The following AGBL3 variants were observed in gnomAD, a reference collection of about 807,000 sequenced individuals.
AGBL3 encodes the protein cytosolic carboxypeptidase 3.
A neutral mutation model predicts 94.5 loss-of-function variants in AGBL3; 68 were observed. The observed-to-expected ratio is 0.72, with a 90% CI of 0.59 to 0.88. The LOEUF (loss-of-function observed/expected upper bound fraction) is 0.88. Among genes scored for constraint, AGBL3 ranks in the 40% least tolerant of loss-of-function variants. The pLI, the probability that AGBL3 is intolerant of heterozygous loss-of-function variation, is 0.00. For synonymous variants in AGBL3, 354 were observed against 370.7 expected (o/e 0.95, Z 0.52); for missense variants, 934 against 1,103.8 (o/e 0.85, Z 2.18).
At chr7:135,018,133 G>A (rs1032226683) in intron 5 of AGBL3, among the ~76,000 whole-genome samples, 12 of 152,166 alleles carry the variant, frequency 7.9e-5, no homozygotes, top group African/African-American at 2.9e-4. Context: ...GGATGGTGAA[G>A]CAACATAGGA....
At chr7:135,134,656 G>C (rs1353641813) in intron 16 of AGBL3, among the ~76,000 whole-genome samples, 185 bp from the exon 17 acceptor site, 4 of 151,700 alleles carry the variant, frequency 2.6e-5, no homozygotes, top group Non-Finnish European at 4.4e-5. Flanking sequence ...TACAGGATTG[G>C]AATAGTGCTA....
At chr7:135,056,596 G>T (rs1221480676) in intron 11 of AGBL3, among the ~76,000 whole-genome samples, 6 of 151,594 alleles carry the variant, frequency 4.0e-5, no homozygotes, top group African/African-American at 1.5e-4. Flanking sequence ...CAATATACCA[G>T]CCACGAACAA....
intron 15 of AGBL3, among the ~76,000 whole-genome samples, chr7:135,106,686 T>C (rs1206673918): frequency 6.6e-6 from 1 of 152,210 alleles, no homozygotes; most frequent in Non-Finnish European, 1.5e-5. Flanking sequence ...TTTATTGTTG[T>C]GGCTCTGCCA....
At chr7:135,129,478 G>T in intron 16 of AGBL3, 1 of 774,024 alleles carries the variant, frequency 1.3e-6, no homozygotes, top group South Asian at 1.4e-5. Flanking sequence ...TTCAAGAACT[G>T]ACCATGTTGT....
intron 11 of AGBL3, 45 bp from the exon 12 acceptor site, chr7:135,059,124 G>A: frequency 7.2e-7 from 1 of 1,380,530 alleles, no homozygotes; most frequent in Non-Finnish European, 9.9e-7. Context: ...GAAATTTTAA[G>A]ATGCCACCAA....
rs756358397 is a variant in AGBL3 at position 135,034,791 on chromosome 7, AC to A, written c.1203del (p.Met402CysfsTer7). 1.3e-5 allele frequency: 20 copies of A among 1,552,356 alleles called. No homozygotes were observed. The South Asian group carries it at 2.3e-4, about 18-fold the overall frequency. On this transcript the variant is annotated frameshift_variant, in exon 7 of 17. Transcript: ENST00000436302. LOFTEE classifies it high-confidence loss of function. ...GGGACACTTTTGTCTTCAAGGTGGT[AC>A]CCATGCTCAATCCAGATGGTGTGAT... ...LRDTFVFKVV[P>X]MLNPDGVIVG...
chr7:134,996,285 A>G (rs1249194166), intron 4 of AGBL3, among the ~76,000 whole-genome samples: 1 of 152,170 alleles, frequency 6.6e-6, no homozygotes, highest in Admixed American at 6.5e-5. Flanking sequence ...CCTCAAGGCA[A>G]AAGTTCCCAT....
intron 16 of AGBL3, among the ~76,000 whole-genome samples, chr7:135,126,662 A>C (rs1219101519): frequency 6.6e-6 from 1 of 152,190 alleles, no homozygotes; most frequent in Non-Finnish European, 1.5e-5. Context: ...TACAGTAACC[A>C]AAACAGATAT....
chr7:135,109,177 T>C (rs1159504714), intron 15 of AGBL3, among the ~76,000 whole-genome samples: 1 of 152,262 alleles, frequency 6.6e-6, no homozygotes, highest in Non-Finnish European at 1.5e-5. Flanking sequence ...CTGAATTCTA[T>C]TTCTGTCATT....
In AGBL3 at chr7:135,034,082, T is replaced by C; in HGVS notation, c.558-67T>C. On this transcript the variant is annotated intron_variant, in intron 6 of 16. Transcript: ENST00000436302. ...CCTTATTTAACTCAAAATTTTACAT[T>C]GGTTTTTTACAAAATGTCATTTTTA... The C allele has an allele frequency of 3.1e-6, 4 of 1,289,986 alleles. No individual in the cohort carries two copies. In the South Asian group the frequency reaches 7.0e-5, roughly 23 times the overall value. The allele number at this position is 1,289,986 out of a possible 1,614,324, so 79.9% of individuals were successfully genotyped here.
chr7:135,129,101 G>A (rs2348282), intron 16 of AGBL3: 808,139 of 1,581,184 alleles, frequency 0.51, 210,746 homozygotes, highest in South Asian at 0.66. Context: ...CTACTGGTCA[G>A]GTCAAAGAGC....
At chr7:135,103,481 CTTT>C (rs1824169234) in intron 15 of AGBL3, among the ~76,000 whole-genome samples, 1 of 152,026 alleles carries the variant, frequency 6.6e-6, no homozygotes, top group Non-Finnish European at 1.5e-5. Context: ...AATATGCATG[CTTT>C]TTTCTTAGGA....
At chr7:135,121,810 A>G (rs1038677223) in intron 16 of AGBL3, among the ~76,000 whole-genome samples, 2 of 152,052 alleles carry the variant, frequency 1.3e-5, no homozygotes, top group African/African-American at 4.8e-5. Context: ...AGGGCAGGAG[A>G]GCACCCCCCT....
At chr7:135,061,905 A>G (rs1818869081) in intron 12 of AGBL3, among the ~76,000 whole-genome samples, 1 of 152,040 alleles carries the variant, frequency 6.6e-6, no homozygotes, top group African/African-American at 2.4e-5. Flanking sequence ...TTTGTTTTCT[A>G]TTTCTCTGAA....
chr7:135,135,475 T>G lies in AGBL3; in HGVS notation c.*214T>G. The G allele has an allele frequency of 2.7e-6, 1 of 371,628 alleles. No homozygotes were observed. The highest frequency in any genetic ancestry group is 4.7e-6 in the Non-Finnish European group (1 of 212,102). The allele number at this position is 371,628 out of a possible 1,614,324, so 23.0% of individuals were successfully genotyped here. A position where few individuals can be genotyped will look rare whatever the true frequency, so the allele number is the denominator to read the frequency against. On this transcript the variant is annotated 3_prime_UTR_variant, in exon 17 of 17. Transcript: ENST00000436302. Reference sequence around the variant, plus strand: ...AATCCAGAGAAAATATGGAAAAATATTAAAGCAGATATTTATATTTAGTTT... The same window carrying G: ...AATCCAGAGAAAATATGGAAAAATAGTAAAGCAGATATTTATATTTAGTTT...
At chr7:135,122,068 G>A (rs907047275) in intron 16 of AGBL3, among the ~76,000 whole-genome samples, 1 of 152,202 alleles carries the variant, frequency 6.6e-6, no homozygotes, top group South Asian at 2.1e-4. Flanking sequence ...TGCTGTCTAA[G>A]CCGTTTGAGT....
chr7:135,039,677 G>A (rs1023840664), intron 8 of AGBL3, among the ~76,000 whole-genome samples: 9 of 152,200 alleles, frequency 5.9e-5, no homozygotes, highest in African/African-American at 2.2e-4. Flanking sequence ...AGAGGTTGCA[G>A]GGAGCCAAGG....
rs1157482950 is a variant in AGBL3 at position 135,059,220 on chromosome 7, C to T, written c.1893C>T (p.Leu631=). The T allele has an allele frequency of 7.1e-6, 11 of 1,550,858 alleles. No homozygotes were observed. The highest frequency in any genetic ancestry group is 7.0e-6 in the Non-Finnish European group (8 of 1,146,498). Residue 631 remains leucine, a synonymous_variant, in exon 12 of 17, where the codon CTC becomes CTT. Transcript: ENST00000436302. ...CCATTGACTCTCTGACTTACCTTCT[C>T]AAGTTAACTTCTCAGGTATGACTGA... The part of the protein sequence containing the change: ...SESIDSLTYL[L]KLTSQKKHLK...
intron 16 of AGBL3, among the ~76,000 whole-genome samples, chr7:135,122,110 G>A (rs1253348747): frequency 1.3e-5 from 2 of 152,186 alleles, no homozygotes; most frequent in Non-Finnish European, 2.9e-5. Context: ...CCAGCACTGG[G>A]ACTCACAACT....
Sources: allele counts gnomAD v4.1 joint callset (sites outside exome capture counted in the v4.1 genomes callset), GRCh38; gene constraint gnomAD v4.1.1; transcripts MANE v1.5; gene names NCBI Gene and HGNC (gene_info 2026-07-23, HGNC 2026-07-21).